PCDH15: variants seen among roughly 807,000 people sequenced by gnomAD.
PCDH15 encodes protocadherin-15.
Under a neutral mutation model 178.5 loss-of-function variants are expected in PCDH15, and 129 were observed. That is an observed-to-expected ratio of 0.72 (90% confidence interval 0.63 to 0.84). The LOEUF (loss-of-function observed/expected upper bound fraction) is 0.84, where lower values mean the gene tolerates loss of function less well. PCDH15 is among the 40% of genes least tolerant of loss of function. PCDH15 has a pLI of 0.00. For missense variants in PCDH15, 2,230 were observed against 2,099.9 expected (o/e 1.06, Z -1.21); for synonymous variants, 800 against 732.0 (o/e 1.09, Z -1.50).
At chr10:54,051,267 G>T (rs995986330) in intron 18 of PCDH15, among the ~76,000 whole-genome samples, 8 of 152,286 alleles carry the variant, frequency 5.3e-5, no homozygotes, top group African/African-American at 1.4e-4. Context: ...GAACAGTTTG[G>T]GGGGCTCAGA....
At chr10:55,583,053 T>C (rs1220136618) in intron 2 of PCDH15, among the ~76,000 whole-genome samples, 1 of 152,148 alleles carries the variant, frequency 6.6e-6, no homozygotes, top group Non-Finnish European at 1.5e-5. Flanking sequence ...AACATCAAGA[T>C]TTATTTACAT....
chr10:55,423,347 A>C (rs1838671381), intron 2 of PCDH15, among the ~76,000 whole-genome samples: 1 of 152,046 alleles, frequency 6.6e-6, no homozygotes, highest in Admixed American at 6.6e-5. Flanking sequence ...AGTTGTATGC[A>C]TACAGAGAGA....
intron 2 of PCDH15, among the ~76,000 whole-genome samples, chr10:55,404,563 T>C (rs1223241468): frequency 6.6e-6 from 1 of 151,900 alleles, no homozygotes; most frequent in African/African-American, 2.4e-5. Context: ...ATAATATGAA[T>C]ATATGGGTTA....
intron 2 of PCDH15, among the ~76,000 whole-genome samples, chr10:55,021,632 A>C (rs973817101): frequency 1.3e-5 from 2 of 152,194 alleles, no homozygotes; most frequent in Admixed American, 6.5e-5. Context: ...TAAAGTATAG[A>C]TATTCTTCTT....
At chr10:54,987,041 A>G (rs1008092095) in intron 2 of PCDH15, among the ~76,000 whole-genome samples, 11 of 152,062 alleles carry the variant, frequency 7.2e-5, no homozygotes, top group Admixed American at 2.0e-4. Context: ...ACAGGCCCCA[A>G]TGTGTGATGT....
chr10:55,466,997 C>A (rs1272227507), intron 2 of PCDH15, among the ~76,000 whole-genome samples: 1 of 152,194 alleles, frequency 6.6e-6, no homozygotes, highest in Non-Finnish European at 1.5e-5. Flanking sequence ...GCTGCTCTAT[C>A]TACTGGCTCT....
At chr10:54,669,008 C>G (rs1232855301) in intron 1 of PCDH15, among the ~76,000 whole-genome samples, 1 of 152,168 alleles carries the variant, frequency 6.6e-6, no homozygotes, top group Non-Finnish European at 1.5e-5. Flanking sequence ...CGTATGCTAT[C>G]TACCTGCTGG....
intron 1 of PCDH15, among the ~76,000 whole-genome samples, chr10:55,231,174 G>T (rs1280108498): frequency 6.6e-6 from 1 of 151,934 alleles, no homozygotes; most frequent in Non-Finnish European, 1.5e-5. Context: ...CTTAAATAGG[G>T]TTTATTGGTC....
chr10:53,849,052 T>C (rs1366530211), intron 28 of PCDH15, among the ~76,000 whole-genome samples: 2 of 152,070 alleles, frequency 1.3e-5, no homozygotes, highest in African/African-American at 4.8e-5. Flanking sequence ...AAAAGCAAAA[T>C]GAAAATGTCC....
intron 9 of PCDH15, among the ~76,000 whole-genome samples, chr10:54,231,323 T>C (rs938985130): frequency 2.6e-5 from 4 of 152,204 alleles, no homozygotes; most frequent in Non-Finnish European, 4.4e-5. Flanking sequence ...GCAGCTTCCA[T>C]GTGATGTTAA....
intron 8 of PCDH15, among the ~76,000 whole-genome samples, chr10:54,245,999 GA>G (rs1178919229): frequency 2.0e-5 from 3 of 151,462 alleles, no homozygotes; most frequent in East Asian, 1.9e-4. Flanking sequence ...TAAATTCCAG[GA>G]AAAAAATTGA....
intron 2 of PCDH15, among the ~76,000 whole-genome samples, chr10:54,617,755 C>CAAAAAAAA (rs71010398): frequency 4.3e-5 from 5 of 117,128 alleles, no homozygotes; most frequent in African/African-American, 6.7e-5. Flanking sequence ...TCTAAAAATA[C>CAAAAAAAA]AAAAAAAAAA....
At chr10:54,503,818 G>A (rs1008745676) in intron 3 of PCDH15, among the ~76,000 whole-genome samples, 5 of 152,092 alleles carry the variant, frequency 3.3e-5, no homozygotes, top group African/African-American at 7.2e-5. Context: ...GACCTGGAAT[G>A]TCTGGTCCTT....
chr10:54,437,726 G>T (rs1018348429), intron 3 of PCDH15, among the ~76,000 whole-genome samples: 13 of 152,118 alleles, frequency 8.5e-5, no homozygotes, highest in African/African-American at 3.1e-4. Flanking sequence ...GGGGAAGTAG[G>T]TTTCTGCAGA....
chr10:55,515,072 T>C (rs980657986), intron 2 of PCDH15, among the ~76,000 whole-genome samples: 3 of 145,882 alleles, frequency 2.1e-5, no homozygotes, highest in African/African-American at 7.6e-5. Flanking sequence ...TCACTGCAAC[T>C]TCCGCCTTCA....
intron 28 of PCDH15, among the ~76,000 whole-genome samples, chr10:53,847,804 A>T (rs2132875878): frequency 6.6e-6 from 1 of 151,936 alleles, no homozygotes; most frequent in South Asian, 2.1e-4. Context: ...CTTCTTTCTC[A>T]TCTGTTTGCT....
At chr10:55,461,708 G>A (rs562597700) in intron 2 of PCDH15, among the ~76,000 whole-genome samples, 3 of 152,178 alleles carry the variant, frequency 2.0e-5, no homozygotes, top group South Asian at 2.1e-4. Flanking sequence ...CACCATGGGA[G>A]GTAATGATAA....
intron 2 of PCDH15, among the ~76,000 whole-genome samples, chr10:55,349,892 G>C (rs930924660): frequency 2.6e-5 from 4 of 151,806 alleles, no homozygotes; most frequent in African/African-American, 9.7e-5. Context: ...AACTCATGGA[G>C]GGAGATTCCA....
intron 2 of PCDH15, among the ~76,000 whole-genome samples, chr10:55,350,038 A>T (rs1366736882): frequency 1.3e-5 from 2 of 151,508 alleles, no homozygotes; most frequent in African/African-American, 4.8e-5. Context: ...ACTTCCTCTC[A>T]ATTTTCTACA....
Sources: gnomAD v4.1 joint callset for allele counts (sites outside exome capture counted in the v4.1 genomes callset) on GRCh38, gnomAD v4.1.1 for gene constraint, MANE v1.5 for transcripts, NCBI Gene and HGNC (gene_info 2026-07-23, HGNC 2026-07-21) for gene names.